EHBP1L1: variants seen among roughly 807,000 people sequenced by gnomAD.
EHBP1L1 encodes EH domain binding protein 1 like 1.
EHBP1L1 carries 122 observed loss-of-function variants against 151.1 expected under a neutral mutation model. The ratio of observed to expected loss-of-function variants is 0.81; its 90% CI spans 0.70 to 0.94. EHBP1L1 has a LOEUF of 0.94. Among genes scored for constraint, EHBP1L1 ranks in the 40% least tolerant of loss-of-function variants. The probability of loss-of-function intolerance (pLI) is 0.00; values close to 1 mark genes in which losing one functional copy is unlikely to be tolerated. For synonymous variants in EHBP1L1, 878 were observed against 810.1 expected (o/e 1.08, Z -1.42); for missense variants, 1,941 against 1,959.8 (o/e 0.99, Z 0.18).
intron 6 of EHBP1L1, 72 bp downstream of exon 6, chr11:65,580,551 A>G: frequency 1.3e-6 from 2 of 1,557,732 alleles, no homozygotes; most frequent in South Asian, 2.4e-5. Flanking sequence ...GCCACCAGCC[A>G]CTTGCTGTGC....
chr11:65,588,215 G>A (rs138101723), intron 12 of EHBP1L1, among the ~76,000 whole-genome samples: 113 of 152,270 alleles, frequency 7.4e-4, no homozygotes, highest in Non-Finnish European at 1.4e-3. Context: ...GGGCTGGGCT[G>A]GGTCGTGGAG....
Position 65,581,813 on chromosome 11 carries a change from A to T in EHBP1L1, c.1141A>T (p.Met381Leu). 2 of 1,613,618 alleles carry T rather than the reference A, an allele frequency of 1.2e-6. No individual in the cohort carries two copies. The highest frequency in any genetic ancestry group is 1.7e-6 in the Non-Finnish European group (2 of 1,179,786). Reference protein sequence around the residue: ...FGRQRLKAEEMDTEDRPEASG... With the variant: ...FGRQRLKAEELDTEDRPEASG... ...AAGGCAGAGACTCAAGGCTGAAGAG[A>T]TGGACACTGAGGACAGGCCAGAGGC... The change falls in exon 9 of 19, where the codon ATG becomes TTG. Residue 381 changes from methionine (M) to leucine (L), a missense_variant. Transcript: ENST00000309295.
intron 12 of EHBP1L1, among the ~76,000 whole-genome samples, chr11:65,587,524 C>T (rs567877190): frequency 5.8e-4 from 88 of 152,348 alleles, no homozygotes; most frequent in Admixed American, 1.6e-3. Context: ...CTTTATGTGC[C>T]TGGCCTGCCC....
Position 65,581,123 on chromosome 11 carries a change from G to T in EHBP1L1, c.700G>T (p.Ala234Ser), listed in dbSNP as rs1857583903. 1.2e-6 allele frequency: 2 copies of T among 1,612,902 alleles called. No individual in the cohort carries two copies. The highest frequency in any genetic ancestry group is 1.3e-5 in the African/African-American group (1 of 74,914). Residue 234 changes from alanine (A) to serine (S), a missense_variant, in exon 7 of 19, where the codon GCA becomes TCA. By Grantham distance (99) the Ala-to-Ser change is moderately conservative (BLOSUM62 1). Coordinates refer to ENST00000309295, the MANE Select transcript of EHBP1L1 (RefSeq NM_001099409.3). Reference protein sequence around the residue: ...EEEGQGRPQQAVASPSNAEDT... With the variant: ...EEEGQGRPQQSVASPSNAEDT... ...GGAAGGCCAAGGACGACCCCAGCAG[G>T]CAGGTGAGACCCAGGCTGGGGTTGG...
rs1230464261 is a variant in EHBP1L1, at chr11:65,585,666, C to T, written c.3933+75C>T. 5 of 1,513,276 alleles carry T rather than the reference C, an allele frequency of 3.3e-6. No homozygotes were observed. The highest frequency in any genetic ancestry group is 3.5e-6 in the Non-Finnish European group (4 of 1,133,876). The allele number at this position is 1,513,276 out of a possible 1,614,324, so 93.7% of individuals were successfully genotyped here. On this transcript the variant is annotated intron_variant, in intron 12 of 18. Transcript: ENST00000309295. This position sits in a 1 kb window ranked among gnomAD's most constrained non-coding sequence, Gnocchi z 4.0. ...GGAAGATGGGCAGAGAACGGGCGAG[C>T]CCCCAAGGGGCCCCAAGGACAGAGC...
rs1405183187 is a variant in EHBP1L1, at chr11:65,590,209, A to G, written c.4182A>G (p.Ser1394=). 1 of 1,613,130 alleles carries G rather than the reference A, an allele frequency of 6.2e-7. No individual in the cohort carries two copies. The highest frequency in any genetic ancestry group is 1.3e-5 in the African/African-American group (1 of 75,020). The change falls in exon 15 of 19, where the codon TCA becomes TCG. Residue 1394 remains serine, a splice_region_variant and synonymous_variant. Coordinates refer to ENST00000309295, the MANE Select transcript of EHBP1L1 (RefSeq NM_001099409.3). ...TGCAGCTGAGGAGCCTCATGGAGTCAGGTGGGGCATACATCTAGGGATCCC... is the reference window on the plus strand; with the variant it reads ...TGCAGCTGAGGAGCCTCATGGAGTCGGGTGGGGCATACATCTAGGGATCCC... ...VEMQLRSLME[S]GANKLQEEVL... is the part of the protein sequence containing the mutation.
chr11:65,582,031 G>T lies in EHBP1L1; in HGVS notation c.1359G>T (p.Gly453=), dbSNP rs117879560. The change falls in exon 9 of 19, where the codon GGG becomes GGT. Residue 453 remains glycine (G), a synonymous_variant. Coordinates refer to ENST00000309295, the MANE Select transcript of EHBP1L1 (RefSeq NM_001099409.3). ...TGATGCCTGAGGCAAGATGCAGGGG[G>T]ACCCCTGAGGCTCCTCCAAGGGGCT... The part of the protein sequence containing the change: ...TGVMPEARCR[G]TPEAPPRGSQ... 9.8e-4 allele frequency: 1,581 copies of T among 1,613,530 alleles called. 27 individuals are homozygous for T. The East Asian group carries it at 0.03, about 31-fold the overall frequency.
chr11:65,587,617 G>A (rs1405250694), intron 12 of EHBP1L1, among the ~76,000 whole-genome samples: 2 of 152,232 alleles, frequency 1.3e-5, no homozygotes, highest in Admixed American at 6.5e-5. Flanking sequence ...AAGGGGAGAT[G>A]TGTGTTTCCC....
rs781123643 is a variant in EHBP1L1 at position 65,585,429 on chromosome 11, G to A, written c.3771G>A (p.Ser1257=). The change falls in exon 12 of 19, where the codon TCG becomes TCA. Residue 1257 remains serine (S), a synonymous_variant. Coordinates refer to ENST00000309295, the MANE Select transcript of EHBP1L1 (RefSeq NM_001099409.3). This position sits in a 1 kb window ranked among gnomAD's most constrained non-coding sequence, Gnocchi z 4.0. ...GCGGCGTGAGGCTGCGACGGCCCTCGGTCAACGGGGAGCCCGGGTCGGTGC... is the reference window on the plus strand; with the variant it reads ...GCGGCGTGAGGCTGCGACGGCCCTCAGTCAACGGGGAGCCCGGGTCGGTGC... ...GGGGVRLRRP[S]VNGEPGSVPP... is the part of the protein sequence containing the mutation. 4.1e-6 allele frequency: 6 copies of A among 1,471,526 alleles called. No homozygotes were observed. Among genetic ancestry groups the A allele is most frequent in the Admixed American group, 4.8e-5 (2 of 41,730 alleles). 91.2% of individuals were successfully genotyped at this position (1,471,526 alleles called of 1,614,324 possible).
At chr11:65,584,855 C>G (rs899253443) in intron 11 of EHBP1L1, 104 bp from the exon 12 acceptor site, 2 of 1,439,874 alleles carry the variant, frequency 1.4e-6, no homozygotes, top group Non-Finnish European at 1.8e-6. Context: ...TAGGCAAAAC[C>G]CGGGGTGCCA....
Position 65,590,559 on chromosome 11 carries a change from C to T in EHBP1L1, c.4250C>T (p.Ala1417Val), listed in dbSNP as rs1039862501. The change falls in exon 16 of 19, where the codon GCT becomes GTT. Residue 1417 changes from alanine (A) to valine (V), a missense_variant. Transcript: ENST00000309295. ...TTCACCCTGGTCAACAAGAAGAACG[C>T]TCTCATCCGGAGGCAGGACCAGCTG... ...EWFTLVNKKNALIRRQDQLQL... is the reference protein window; with the variant it reads ...EWFTLVNKKNVLIRRQDQLQL... 1 of 1,613,592 alleles carries T rather than the reference C, an allele frequency of 6.2e-7. No individual in the cohort carries two copies. The highest frequency in any genetic ancestry group is 1.7e-5 in the Admixed American group (1 of 60,002).
In EHBP1L1 at chr11:65,590,114, G is replaced by A. The variant is rs759699729; in HGVS notation, c.4087G>A (p.Val1363Met). ...ACGGTTCCAGGACACAAGTCAGTAC[G>A]TGTGTGCAGAGCTGCAGGCCCTGGA... ...LQRFQDTSQY[V>M]CAELQALEQE... is the part of the protein sequence containing the mutation. The change falls in exon 15 of 19, where the codon GTG becomes ATG. Residue 1363 changes from valine (V) to methionine (M), a missense_variant. Val to Met is a conservative substitution (Grantham distance 21). Transcript: ENST00000309295. 8.1e-6 allele frequency: 13 copies of A among 1,613,808 alleles called. No homozygotes were observed. The highest frequency in any genetic ancestry group is 7.7e-5 in the South Asian group (7 of 91,078).
At chr11:65,584,752 C>T in intron 11 of EHBP1L1, 1 of 974,906 alleles carries the variant, frequency 1.0e-6, no homozygotes, top group East Asian at 2.6e-5. Flanking sequence ...CAAAACCACC[C>T]TTTGGTAACG....
In EHBP1L1 at chr11:65,579,962, C is replaced by T; in HGVS notation, c.285C>T (p.Ala95=). 4 of 1,613,872 alleles carry T rather than the reference C, an allele frequency of 2.5e-6. No homozygotes were observed. The South Asian group carries it at 4.4e-5, about 18-fold the overall frequency. The part of the protein sequence containing the change: ...YRDPHVDQYE[A]KEWTFIIENE... ...ACCCCCACGTGGACCAGTATGAGGC[C>T]AAAGAGTGGACATTTATTATTGAAA... Residue 95 remains alanine, a synonymous_variant, in exon 4 of 19, where the codon GCC becomes GCT. Transcript: ENST00000309295.
chr11:65,579,213 G>A (rs1469170275), intron 2 of EHBP1L1, 78 bp downstream of exon 2: 12 of 1,533,294 alleles, frequency 7.8e-6, no homozygotes, highest in Non-Finnish European at 9.7e-6. Flanking sequence ...ATGGGGGAGT[G>A]GAGTGAGGTT....
chr11:65,585,704 G>A lies in EHBP1L1; in HGVS notation c.3933+113G>A. On this transcript the variant is annotated intron_variant, in intron 12 of 18. Transcript: ENST00000309295. This position sits in a 1 kb window ranked among gnomAD's most constrained non-coding sequence, Gnocchi z 4.0. ...CCAAGGACAGAGCTGGCGCGAGGGT[G>A]ACGGTTTCAGAGTGGCGGGGCTCGG... The A allele has an allele frequency of 6.8e-7, 1 of 1,468,578 alleles. No homozygotes were observed. The highest frequency in any genetic ancestry group is 9.1e-7 in the Non-Finnish European group (1 of 1,104,054). The allele number at this position is 1,468,578 out of a possible 1,614,324, so 91.0% of individuals were successfully genotyped here.
chr11:65,586,543 G>C (rs545548155), intron 12 of EHBP1L1, among the ~76,000 whole-genome samples: 1 of 152,374 alleles, frequency 6.6e-6, no homozygotes, highest in South Asian at 2.1e-4. Flanking sequence ...AATGAGTGGG[G>C]TTCTCAAATG....
intron 3 of EHBP1L1, 47 bp downstream of exon 3, chr11:65,579,483 G>A (rs1237128955): frequency 1.9e-5 from 26 of 1,388,666 alleles, no homozygotes; most frequent in Non-Finnish European, 2.4e-5. Flanking sequence ...AACACAGGCA[G>A]TTGCAACAAT....
In EHBP1L1 at chr11:65,590,597, G is replaced by A. The variant is rs1262948842; in HGVS notation, c.4283+5G>A. On this transcript the variant is annotated splice_donor_5th_base_variant and intron_variant, in intron 16 of 18. Transcript: ENST00000309295. The stretch of plus-strand genomic sequence containing the variant: ...GCAGGACCAGCTGCAGCTGCTGTGA[G>A]TGCTGGCCCCGGGCCAGGAGAGCAG... The A allele has an allele frequency of 6.2e-7, 1 of 1,613,068 alleles. No homozygotes were observed. Among genetic ancestry groups the A allele is most frequent in the Non-Finnish European group, 8.5e-7 (1 of 1,179,682 alleles).
Sources: allele counts gnomAD v4.1 joint callset (sites outside exome capture counted in the v4.1 genomes callset), GRCh38; gene constraint gnomAD v4.1.1; non-coding constraint Gnocchi (gnomAD v3.1); transcripts MANE v1.5; gene names NCBI Gene and HGNC (gene_info 2026-07-23, HGNC 2026-07-21).